The following C10orf67 variants were observed in gnomAD, a reference collection of about 807,000 sequenced individuals.
C10orf67 encodes the protein chromosome 10 open reading frame 67, also known as uncharacterized protein C10orf67, mitochondrial.
Under a neutral mutation model 35.6 loss-of-function variants are expected in C10orf67, and 60 were observed. The observed-to-expected ratio is 1.68, with a 90% CI of 1.37 to 2.09. The LOEUF (loss-of-function observed/expected upper bound fraction) is 2.09. Among genes scored for constraint, C10orf67 ranks in the 30% most tolerant of loss-of-function variants. C10orf67 has a pLI of 0.00. For missense variants in C10orf67, 474 were observed against 330.2 expected (o/e 1.44, Z -3.38); for synonymous variants, 167 against 115.8 (o/e 1.44, Z -2.84).
chr10:23,286,209 T>A (rs977239178), intron 7 of C10orf67, among the ~76,000 whole-genome samples: 2 of 150,960 alleles, frequency 1.3e-5, no homozygotes, highest in Non-Finnish European at 2.9e-5. Flanking sequence ...CTGGGCAATA[T>A]AGGGAGACCC....
chr10:23,318,763 G>A, intron 4 of C10orf67: 1 of 652,072 alleles, frequency 1.5e-6, no homozygotes, highest in South Asian at 1.8e-5. Context: ...TAGACACTGA[G>A]GGGTTGTTAT....
chr10:23,246,718 T>A (rs990273160), intron 12 of C10orf67, among the ~76,000 whole-genome samples: 1 of 152,212 alleles, frequency 6.6e-6, no homozygotes, highest in African/African-American at 2.4e-5. Flanking sequence ...AGGCTTAGGC[T>A]AGTGTGTGTG....
chr10:23,276,705 C>A (rs1276443419), intron 8 of C10orf67, among the ~76,000 whole-genome samples: 1 of 152,110 alleles, frequency 6.6e-6, no homozygotes, highest in Non-Finnish European at 1.5e-5. Flanking sequence ...AGGAATACAA[C>A]AGCACAACAC....
At chr10:23,285,976 T>TGTGAGATCA (rs1843513730) in intron 7 of C10orf67, among the ~76,000 whole-genome samples, 1 of 152,222 alleles carries the variant, frequency 6.6e-6, no homozygotes, top group South Asian at 2.1e-4. Context: ...AACTGGTGGC[T>TGTGAGATCA]TACCAGTGAG....
At chr10:23,284,383 T>C (rs538002393) in intron 7 of C10orf67, among the ~76,000 whole-genome samples, 16 of 152,072 alleles carry the variant, frequency 1.1e-4, no homozygotes, top group African/African-American at 3.9e-4. Context: ...CTTGCCTGCC[T>C]GGAAAAATCA....
intron 10 of C10orf67, among the ~76,000 whole-genome samples, chr10:23,259,209 T>C (rs1842682874): frequency 6.6e-6 from 1 of 152,226 alleles, no homozygotes; most frequent in Non-Finnish European, 1.5e-5. Context: ...ACCAATAGAC[T>C]GGGCAGCATA....
chr10:23,208,363 T>A (rs1311839750), intron 15 of C10orf67, among the ~76,000 whole-genome samples: 2 of 152,184 alleles, frequency 1.3e-5, no homozygotes, highest in Non-Finnish European at 2.9e-5. Flanking sequence ...ATATTTAAAA[T>A]TTTGTTTCTG....
intron 12 of C10orf67, among the ~76,000 whole-genome samples, chr10:23,249,078 C>T (rs1004926691): frequency 8.3e-5 from 11 of 132,980 alleles, no homozygotes; most frequent in African/African-American, 2.6e-4. Context: ...TGCAGTGAGC[C>T]GAGATTGCAC....
intron 7 of C10orf67, among the ~76,000 whole-genome samples, chr10:23,282,465 T>C (rs899536126): frequency 2.0e-5 from 3 of 152,188 alleles, no homozygotes; most frequent in African/African-American, 2.4e-5. Flanking sequence ...AAAATAGCTA[T>C]CAGAAGCATA....
In C10orf67 at chr10:23,267,255, C is replaced by T; in HGVS notation, c.976-1G>A. On this transcript the variant is annotated splice_acceptor_variant, in intron 8 of 15. Transcript: ENST00000636213. LOFTEE classifies it high-confidence loss of function. ...CCTTGTCCTCTTTCTGTTTATTAAT[C>T]TGTAAAATTGAAGACCCATATCATT... 1.4e-6 allele frequency: 1 copy of T among 713,702 alleles called. No individual in the cohort carries two copies. Among genetic ancestry groups the T allele is most frequent in the Non-Finnish European group, 2.6e-6 (1 of 384,058 alleles). The allele number at this position is 713,702 out of a possible 1,614,324, so 44.2% of individuals were successfully genotyped here. A position where few individuals can be genotyped will look rare whatever the true frequency, so the allele number is the denominator to read the frequency against.
Position 23,303,295 on chromosome 10 carries a change from G to T in C10orf67, c.702+9C>A. 1 of 532,342 alleles carries T rather than the reference G, an allele frequency of 1.9e-6. No homozygotes were observed. The highest frequency in any genetic ancestry group is 3.1e-5 in the South Asian group (1 of 32,144). The allele number at this position is 532,342 out of a possible 1,614,324, so 33.0% of individuals were successfully genotyped here. A position where few individuals can be genotyped will look rare whatever the true frequency, so the allele number is the denominator to read the frequency against. On this transcript the variant is annotated intron_variant, in intron 5 of 15. Transcript: ENST00000636213. ...ATTAAAATTAATTATTCCTTGCCTT[G>T]AAACTTACCATTTTGTGAAATCCAA...
In C10orf67 at chr10:23,203,892, G is replaced by T. The variant is rs560345371; in HGVS notation, c.*281C>A. The stretch of plus-strand genomic sequence containing the variant: ...GACGCCTGGGCTCTTCTGAGTCCCC[G>T]GAGCTCCTGAATGGATGTGGTTGCC... On this transcript the variant is annotated 3_prime_UTR_variant, in exon 16 of 16. Coordinates refer to ENST00000636213, the MANE Select transcript of C10orf67 (RefSeq NM_001371909.1). 10 of 282,322 alleles carry T rather than the reference G, an allele frequency of 3.5e-5. No individual in the cohort carries two copies. Among genetic ancestry groups the T allele is most frequent in the Admixed American group, 1.0e-4 (2 of 19,168 alleles). The allele number at this position is 282,322 out of a possible 1,614,324, so 17.5% of individuals were successfully genotyped here.
chr10:23,328,154 T>C (rs1302077536), intron 2 of C10orf67, among the ~76,000 whole-genome samples: 1 of 152,142 alleles, frequency 6.6e-6, no homozygotes, highest in Admixed American at 6.5e-5. Context: ...TTTAACTGCC[T>C]ATAAAAGAGA....
intron 15 of C10orf67, among the ~76,000 whole-genome samples, chr10:23,211,482 G>T (rs7074227): frequency 0.71 from 103,103 of 145,048 alleles, 36,378 homozygotes; most frequent in East Asian, 0.89. Flanking sequence ...TGTGTGTGGG[G>T]GGGGGGGGTA....
At chr10:23,307,170 A>C (rs1007763857) in intron 4 of C10orf67, among the ~76,000 whole-genome samples, 1 of 152,240 alleles carries the variant, frequency 6.6e-6, no homozygotes, top group Non-Finnish European at 1.5e-5. Flanking sequence ...ATGCTTTAAA[A>C]GTGGATAATG....
At chr10:23,335,136 C>T (rs560994346) in intron 1 of C10orf67, among the ~76,000 whole-genome samples, 1 of 150,048 alleles carries the variant, frequency 6.7e-6, no homozygotes, top group East Asian at 2.0e-4. Context: ...TGCAGTGAGC[C>T]GAGATCGCAC....
At chr10:23,342,106 C>G (rs1377758006) in intron 1 of C10orf67, among the ~76,000 whole-genome samples, 2 of 151,964 alleles carry the variant, frequency 1.3e-5, no homozygotes, top group African/African-American at 4.8e-5. Flanking sequence ...CAAGGCTGCA[C>G]TGAGCCATGA....
chr10:23,339,254 A>G (rs549030519), intron 1 of C10orf67, among the ~76,000 whole-genome samples: 4 of 152,240 alleles, frequency 2.6e-5, no homozygotes, highest in Admixed American at 6.5e-5. Flanking sequence ...CTACTGGCTG[A>G]AGTGGATTGA....
At chr10:23,283,121 C>A (rs1256848236) in intron 7 of C10orf67, among the ~76,000 whole-genome samples, 2 of 152,090 alleles carry the variant, frequency 1.3e-5, no homozygotes, top group Admixed American at 1.3e-4. Context: ...ACCCCACTTA[C>A]CCTCATGTGA....
Sources: gnomAD v4.1 joint callset for allele counts (sites outside exome capture counted in the v4.1 genomes callset) on GRCh38, gnomAD v4.1.1 for gene constraint, MANE v1.5 for transcripts, NCBI Gene and HGNC (gene_info 2026-07-23, HGNC 2026-07-21) for gene names.